The following KIF1B variants were observed in gnomAD, a reference collection of about 807,000 sequenced individuals.
KIF1B encodes kinesin family member 1B.
Under a neutral mutation model 241.9 loss-of-function variants are expected in KIF1B, and 76 were observed. The observed-to-expected ratio is 0.31, with a 90% confidence interval of 0.26 to 0.38. The LOEUF (loss-of-function observed/expected upper bound fraction) is 0.38. Among genes scored for constraint, KIF1B ranks in the 10% least tolerant of loss-of-function variants. The probability of loss-of-function intolerance (pLI) is 1.00; values close to 1 mark genes in which losing one functional copy is unlikely to be tolerated. For missense variants in KIF1B, 1,622 were observed against 2,271.4 expected, an observed-to-expected ratio of 0.71 and a Z score of 5.81; for synonymous variants, 750 against 796.7, an observed-to-expected ratio of 0.94 and a Z score of 0.99.
At position 10,378,300 on chromosome 1, in the gene KIF1B, A is replaced by AGG. The variant is rs1557749140; in HGVS notation, c.*1714_*1715dup. ...TGGAAACACTGCCCAGGGAGAAAGG[A>AGG]GGAAGCTCACTGTGGACAGTCTTCT... On this transcript the variant is annotated 3_prime_UTR_variant, in exon 49 of 49. Transcript: ENST00000676179. 4.2e-6 allele frequency: 3 copies of AGG among 717,696 alleles called. No individual in the cohort carries two copies. The highest frequency in any genetic ancestry group is 7.8e-6 in the Non-Finnish European group (3 of 385,138). The allele number at this position is 717,696 out of a possible 1,614,324, so 44.5% of individuals were successfully genotyped here.
rs145312793 is a variant in KIF1B at position 10,264,150 on chromosome 1, A to G, written c.429+2180A>G. On this transcript the variant is annotated intron_variant, in intron 5 of 48. Transcript: ENST00000676179. ...TTCCCCATTCTATTTTCTTTTTTCCATCATACTCATCATGTTCTAACATGC... is the reference window on the plus strand; with the variant it reads ...TTCCCCATTCTATTTTCTTTTTTCCGTCATACTCATCATGTTCTAACATGC... Among the ~76,000 whole-genome samples, 620 of 152,142 alleles carry G rather than the reference A, an allele frequency of 4.1e-3. 7 individuals carry two copies. Among genetic ancestry groups the G allele is most frequent in the African/African-American group, 0.014 (586 of 41,508 alleles).
chr1:10,226,583 A>C (rs570871638), intron 1 of KIF1B, among the ~76,000 whole-genome samples: 1 of 152,316 alleles, frequency 6.6e-6, no homozygotes, highest in East Asian at 1.9e-4. Flanking sequence ...ACAACTATCA[A>C]CATTTTGGCA....
chr1:10,356,839 G>A (rs1038073770), intron 38 of KIF1B, among the ~76,000 whole-genome samples: 4 of 152,004 alleles, frequency 2.6e-5, no homozygotes, highest in African/African-American at 9.7e-5. Context: ...GGCGGAGGTT[G>A]CAGTGAGCCA....
chr1:10,320,845 G>A (rs998775723), intron 23 of KIF1B, among the ~76,000 whole-genome samples: 1 of 151,228 alleles, frequency 6.6e-6, no homozygotes, highest in African/African-American at 2.4e-5. Flanking sequence ...GGGATTACAG[G>A]GATGCGCCAC....
At chr1:10,237,291 G>A (rs754405429) in intron 2 of KIF1B, among the ~76,000 whole-genome samples, 30 of 152,092 alleles carry the variant, frequency 2.0e-4, no homozygotes, top group Non-Finnish European at 3.8e-4. Context: ...GGTAAAAAGG[G>A]AAATGAGCCA....
At chr1:10,221,528 G>A (rs1248354032) in intron 1 of KIF1B, among the ~76,000 whole-genome samples, 1 of 151,988 alleles carries the variant, frequency 6.6e-6, no homozygotes, top group Non-Finnish European at 1.5e-5. Context: ...CTTAAATTTT[G>A]GGGGGCCATT....
rs1209594832 is a variant in KIF1B at position 10,324,875 on chromosome 1, C to G, written c.2655C>G (p.His885Gln). ...GCGATCCCTTCTATGATCGGTTCCA[C>G]TGGTTCAAACTTGTGGGGAGGTATG... ...TGSDPFYDRF[H>Q]WFKLVGSSPI... is the part of the protein sequence containing the mutation. The change falls in exon 26 of 49, where the codon CAC (histidine) becomes CAG (glutamine). Residue 885 changes from histidine (H) to glutamine (Q), a missense_variant. This residue lies in a region of KIF1B where 803 missense variants were observed against 1,112.0 expected (regional missense o/e 0.72). Transcript: ENST00000676179. 4 of 1,613,868 alleles carry G rather than the reference C, an allele frequency of 2.5e-6. No individual in the cohort carries two copies. In the East Asian group the frequency reaches 6.7e-5, roughly 27 times the overall value.
chr1:10,355,654 A>G (rs892662774), intron 38 of KIF1B, among the ~76,000 whole-genome samples: 4 of 152,178 alleles, frequency 2.6e-5, no homozygotes, highest in African/African-American at 9.6e-5. Flanking sequence ...CCTCTTCTAC[A>G]TTACAAAGTA....
intron 12 of KIF1B, 130 bp from the exon 13 acceptor site, chr1:10,277,844 TAAAGCTTTATAC>T: frequency 1.4e-6 from 1 of 739,854 alleles, no homozygotes; most frequent in Non-Finnish European, 2.2e-6. Flanking sequence ...ATAGGTACTA[TAAAGCTTTATAC>T]AAATGTATTA....
chr1:10,323,052 G>A (rs1006487422), intron 24 of KIF1B, among the ~76,000 whole-genome samples: 1 of 152,122 alleles, frequency 6.6e-6, no homozygotes, highest in African/African-American at 2.4e-5. Context: ...TGTAGAGACA[G>A]GGTCTCACTG....
chr1:10,361,024 C>T lies in KIF1B; in HGVS notation c.4151C>T (p.Thr1384Ile), dbSNP rs1638407976. ...CCCTATGGAGAAAAGATCTACATGA[C>T]CTTGTCGGCCTACCTAGAGGTGAGG... is the stretch of plus-strand genomic sequence containing the variant. ...VTPYGEKIYMTLSAYLELDHC... is the reference protein window; with the variant it reads ...VTPYGEKIYMILSAYLELDHC... The change falls in exon 39 of 49, where the codon ACC becomes ATC. Residue 1384 changes from threonine to isoleucine, a missense_variant. Coordinates refer to ENST00000676179, the MANE Select transcript of KIF1B (RefSeq NM_001365951.3). The T allele has an allele frequency of 6.2e-7, 1 of 1,612,114 alleles. No individual in the cohort carries two copies. Among genetic ancestry groups the T allele is most frequent in the African/African-American group, 1.3e-5 (1 of 74,844 alleles).
At chr1:10,244,775 G>A (rs1014346451) in intron 2 of KIF1B, among the ~76,000 whole-genome samples, 10 of 151,602 alleles carry the variant, frequency 6.6e-5, no homozygotes, top group African/African-American at 1.9e-4. Context: ...ACCACGCCTG[G>A]CTAATTTTTT....
chr1:10,341,740 A>G (rs968300583), intron 32 of KIF1B, among the ~76,000 whole-genome samples: 2 of 152,186 alleles, frequency 1.3e-5, no homozygotes, highest in African/African-American at 4.8e-5. Flanking sequence ...GAGCTGAGGC[A>G]GAAGGATCAG....
intron 22 of KIF1B, among the ~76,000 whole-genome samples, chr1:10,301,164 GAAAC>G (rs1175723015): frequency 1.3e-5 from 2 of 152,068 alleles, no homozygotes; most frequent in Non-Finnish European, 2.9e-5. Context: ...AGCAAACAAA[GAAAC>G]AAACAAAAAC....
At chr1:10,217,344 T>TTTC (rs199943449) in intron 1 of KIF1B, among the ~76,000 whole-genome samples, 10,083 of 92,034 alleles carry the variant, frequency 0.11, 465 homozygotes, top group Non-Finnish European at 0.15. Flanking sequence ...TTTCTTTTTC[T>TTTC]TTTTTTTTTT....
At chr1:10,316,982 A>G (rs942722758) in intron 22 of KIF1B, among the ~76,000 whole-genome samples, 5 of 151,230 alleles carry the variant, frequency 3.3e-5, no homozygotes, top group African/African-American at 9.8e-5. Context: ...GCCTGATCAT[A>G]GCGCACTACA....
rs1649272502 is a variant in KIF1B at position 10,279,126 on chromosome 1, A to G, written c.1210A>G (p.Ser404Gly). The change falls in exon 14 of 49, where the codon AGT becomes GGT. Residue 404 changes from serine to glycine, a missense_variant. Transcript: ENST00000676179. Reference protein sequence around the residue: ...IDPLIDDYSGSGSKYLKDFQN... With the variant: ...IDPLIDDYSGGGSKYLKDFQN... ...TCCATTGATCGATGATTACTCTGGAAGTGGAAGCAAATGTGTGTATTTCAC... is the reference window on the plus strand; with the variant it reads ...TCCATTGATCGATGATTACTCTGGAGGTGGAAGCAAATGTGTGTATTTCAC... The G allele has an allele frequency of 2.6e-6, 4 of 1,543,450 alleles. No individual in the cohort carries two copies. Among genetic ancestry groups the G allele is most frequent in the Non-Finnish European group, 3.5e-6 (4 of 1,141,784 alleles).
At chr1:10,355,972 G>T (rs1318372368) in intron 38 of KIF1B, among the ~76,000 whole-genome samples, 7 of 152,066 alleles carry the variant, frequency 4.6e-5, no homozygotes, top group Non-Finnish European at 1.0e-4. Context: ...GAAAAATCCT[G>T]GTTTGGTATT....
rs1328595743 is a variant in KIF1B, at chr1:10,321,848, G to A, written c.2349G>A (p.Leu783=). The A allele has an allele frequency of 1.2e-6, 2 of 1,614,154 alleles. No homozygotes were observed. Among genetic ancestry groups the A allele is most frequent in the East Asian group, 2.2e-5 (1 of 44,878 alleles). Residue 783 remains leucine (L), a synonymous_variant, in exon 24 of 49, where the codon CTG becomes CTA. Coordinates refer to ENST00000676179, the MANE Select transcript of KIF1B (RefSeq NM_001365951.3). ...LKEANAISVE[L]KKKVQFQFVL... The stretch of plus-strand genomic sequence containing the variant: ...AGGCCAATGCCATCAGTGTGGAACT[G>A]AAAAAGAAGGTATGGAGCAGGAGGA...
Sources: allele counts gnomAD v4.1 joint callset (sites outside exome capture counted in the v4.1 genomes callset), GRCh38; gene constraint gnomAD v4.1.1; regional missense constraint gnomAD v4.1.1; transcripts MANE v1.5; gene names NCBI Gene and HGNC (gene_info 2026-07-23, HGNC 2026-07-21).